The following ANKRD11 variants were observed in gnomAD, a reference collection of about 807,000 sequenced individuals.
ANKRD11 encodes ankyrin repeat domain-containing protein 11.
A neutral mutation model predicts 195.7 loss-of-function variants in ANKRD11; 17 were observed. The ratio of observed to expected loss-of-function variants is 0.09; its 90% CI spans 0.06 to 0.13. ANKRD11 has a LOEUF of 0.13. ANKRD11 is among the 10% of genes least tolerant of loss of function. The pLI, the probability that ANKRD11 is intolerant of heterozygous loss-of-function variation, is 1.00. For synonymous variants in ANKRD11, 1,953 were observed against 1,528.1 expected (o/e 1.28, Z -6.49); for missense variants, 3,735 against 3,566.1 (o/e 1.05, Z -1.21).
At position 89,282,294 on chromosome 16, in the gene ANKRD11, T is replaced by C; in HGVS notation, c.4248A>G (p.Leu1416=). Residue 1416 remains leucine (L), a synonymous_variant, in exon 9 of 13, where the codon CTA becomes CTG. Transcript: ENST00000301030. ...TAGAAAACAATTCAATGGTTTTATC[T>C]AGCTCATCTTCTATGTCAGCTTTCA... ...YNMKADIEDE[L]DKTIELFSTE... The C allele has an allele frequency of 2.5e-6, 4 of 1,614,220 alleles. No individual in the cohort carries two copies. The highest frequency in any genetic ancestry group is 3.4e-6 in the Non-Finnish European group (4 of 1,180,040).
At chr16:89,485,769 A>C (rs556987967) in intron 1 of ANKRD11, among the ~76,000 whole-genome samples, 24 of 152,294 alleles carry the variant, frequency 1.6e-4, no homozygotes, top group African/African-American at 5.8e-4. Flanking sequence ...TTTCCCTCCA[A>C]AGAGATCATT....
intron 2 of ANKRD11, among the ~76,000 whole-genome samples, chr16:89,387,142 C>G (rs1490923024): frequency 6.6e-6 from 1 of 151,940 alleles, no homozygotes. Context: ...AGGTAGGTCA[C>G]ACAGCCACCA....
At chr16:89,303,884 C>T (rs1048732468) in intron 4 of ANKRD11, among the ~76,000 whole-genome samples, 18 of 152,218 alleles carry the variant, frequency 1.2e-4, no homozygotes, top group Admixed American at 6.5e-5. Flanking sequence ...CTCTTCTCAC[C>T]TGGACCACTT....
At chr16:89,453,617 G>A (rs552685820) in intron 1 of ANKRD11, among the ~76,000 whole-genome samples, 2 of 152,266 alleles carry the variant, frequency 1.3e-5, no homozygotes, top group East Asian at 1.9e-4. Context: ...CAAGACAGAT[G>A]TTATTTAAAT....
chr16:89,386,589 G>A (rs1024839749), intron 2 of ANKRD11, among the ~76,000 whole-genome samples: 3 of 152,206 alleles, frequency 2.0e-5, no homozygotes, highest in Admixed American at 6.5e-5. Context: ...CCGCGGGGAG[G>A]AGTGTATCCA....
intron 1 of ANKRD11, among the ~76,000 whole-genome samples, chr16:89,484,429 C>A (rs1206718297): frequency 6.6e-6 from 1 of 152,140 alleles, no homozygotes; most frequent in East Asian, 1.9e-4. Context: ...TTGATTGTGT[C>A]AGATATGAAT....
In ANKRD11 at chr16:89,285,522, C is replaced by T. The variant is rs142539117; in HGVS notation, c.1020G>A (p.Thr340=). 0.018 allele frequency: 29,556 copies of T among 1,614,004 alleles called. 303 individuals are homozygous for T. The highest frequency in any genetic ancestry group is 0.036 in the Middle Eastern group (221 of 6,062). The change falls in exon 9 of 13, where the codon ACG becomes ACA. Residue 340 remains threonine, a synonymous_variant. Coordinates refer to ENST00000301030, the MANE Select transcript of ANKRD11 (RefSeq NM_013275.6). The surrounding 1 kb of genome is among the most constrained non-coding windows in gnomAD (Gnocchi z 5.6). Reference sequence around the variant, plus strand: ...ACTCATACTCGTCCTTGACGGGGGCCGTGGCCTTCTGTGGCTCTGGGTTCT... The same window carrying T: ...ACTCATACTCGTCCTTGACGGGGGCTGTGGCCTTCTGTGGCTCTGGGTTCT... The part of the protein sequence containing the change: ...KAKNPEPQKA[T]APVKDEYEFD...
In ANKRD11 at chr16:89,340,213, G is replaced by A. The variant is rs987409901; in HGVS notation, c.-59-23135C>T. Among the ~76,000 whole-genome samples, 10 of 152,358 alleles carry A rather than the reference G, an allele frequency of 6.6e-5. No homozygotes were observed. In the East Asian group the frequency reaches 1.9e-3, roughly 29 times the overall value. Reference sequence around the variant, plus strand: ...AAAATATCTGATGAAATGTCACACTGTATAGTCATTCACAAACATGTCATC... The same window carrying A: ...AAAATATCTGATGAAATGTCACACTATATAGTCATTCACAAACATGTCATC... On this transcript the variant is annotated intron_variant, in intron 2 of 12. Coordinates refer to ENST00000301030, the MANE Select transcript of ANKRD11 (RefSeq NM_013275.6).
chr16:89,450,288 C>T (rs1314801175), intron 1 of ANKRD11, among the ~76,000 whole-genome samples: 2 of 152,086 alleles, frequency 1.3e-5, no homozygotes, highest in Non-Finnish European at 2.9e-5. Flanking sequence ...AATTCAAGTA[C>T]CTAAGACATT....
At chr16:89,310,364 A>C (rs1208317096) in intron 3 of ANKRD11, among the ~76,000 whole-genome samples, 3 of 152,178 alleles carry the variant, frequency 2.0e-5, no homozygotes, top group Non-Finnish European at 4.4e-5. Context: ...AAGCAATGAA[A>C]CTACACTGTC....
intron 1 of ANKRD11, among the ~76,000 whole-genome samples, chr16:89,454,515 C>T (rs1160792396): frequency 6.6e-6 from 1 of 152,148 alleles, no homozygotes; most frequent in Non-Finnish European, 1.5e-5. Flanking sequence ...TTCTCCTTCA[C>T]AAATTATAAC....
chr16:89,354,480 T>G (rs1221136715), intron 2 of ANKRD11, among the ~76,000 whole-genome samples: 1 of 152,184 alleles, frequency 6.6e-6, no homozygotes, highest in Non-Finnish European at 1.5e-5. Context: ...AGTGGAAATG[T>G]CACAGAGGGC....
At chr16:89,316,862 C>G in intron 3 of ANKRD11, 71 bp downstream of exon 3, 3 of 1,546,620 alleles carry the variant, frequency 1.9e-6, no homozygotes, top group Non-Finnish European at 2.6e-6. Flanking sequence ...CACAGGCGGG[C>G]AGCACCCCAT....
intron 1 of ANKRD11, among the ~76,000 whole-genome samples, chr16:89,454,008 C>T (rs747894144): frequency 1.3e-5 from 2 of 152,180 alleles, no homozygotes; most frequent in Non-Finnish European, 2.9e-5. Context: ...AGTGGACCTA[C>T]ATGGAGCACA....
chr16:89,284,713 G>A lies in ANKRD11; in HGVS notation c.1829C>T (p.Pro610Leu), dbSNP rs1008939365. 1.2e-6 allele frequency: 2 copies of A among 1,613,708 alleles called. No individual in the cohort carries two copies. The highest frequency in any genetic ancestry group is 1.1e-5 in the South Asian group (1 of 91,080). Residue 610 changes from proline to leucine, a missense_variant, in exon 9 of 13, where the codon CCC becomes CTC. Coordinates refer to ENST00000301030, the MANE Select transcript of ANKRD11 (RefSeq NM_013275.6). Reference sequence around the variant, plus strand: ...AGCGCCCTCCGCGCTGGACAGGAAGGGGCTCTTCTTCTCCGACAGGGAGGC... The same window carrying A: ...AGCGCCCTCCGCGCTGGACAGGAAGAGGCTCTTCTTCTCCGACAGGGAGGC... ...KRASLSEKKS[P>L]FLSSAEGAVP...
In ANKRD11 at chr16:89,297,262, G is replaced by A. The variant is rs552247226; in HGVS notation, c.227-6079C>T. Among the ~76,000 whole-genome samples, 2 of 152,336 alleles carry A rather than the reference G, an allele frequency of 1.3e-5. 1 individual carries two copies. Among genetic ancestry groups the A allele is most frequent in the African/African-American group, 4.8e-5 (2 of 41,564 alleles). On this transcript the variant is annotated intron_variant, in intron 4 of 12. Transcript: ENST00000301030. ...CAACATAGGAAAATGTGCAACTCCT[G>A]CGTCCCACCGTAAAACTCGAAGACG...
At chr16:89,317,209 G>GCCAGGC in intron 2 of ANKRD11, 131 bp from the exon 3 acceptor site, 1 of 717,598 alleles carries the variant, frequency 1.4e-6, no homozygotes, top group Non-Finnish European at 2.4e-6. Flanking sequence ...TGGGGCCCGG[G>GCCAGGC]CCAGGCCCAG....
At chr16:89,453,753 G>A (rs2056298711) in intron 1 of ANKRD11, among the ~76,000 whole-genome samples, 1 of 152,204 alleles carries the variant, frequency 6.6e-6, no homozygotes, top group South Asian at 2.1e-4. Flanking sequence ...CCACTGACCT[G>A]TCCAAGAAGA....
chr16:89,398,724 A>G (rs1233309418), intron 2 of ANKRD11, among the ~76,000 whole-genome samples: 1 of 152,038 alleles, frequency 6.6e-6, no homozygotes, highest in Non-Finnish European at 1.5e-5. Flanking sequence ...AGCCTCAGTG[A>G]CAGAGAGAGA....
Sources: allele counts gnomAD v4.1 joint callset (sites outside exome capture counted in the v4.1 genomes callset), GRCh38; gene constraint gnomAD v4.1.1; non-coding constraint Gnocchi (gnomAD v3.1); transcripts MANE v1.5; gene names NCBI Gene and HGNC (gene_info 2026-07-23, HGNC 2026-07-21).